MACROD2: variants seen among roughly 807,000 people sequenced by gnomAD.
MACROD2 encodes ADP-ribose glycohydrolase MACROD2.
In MACROD2, 36 loss-of-function variants were observed where a neutral mutation model predicts 70.4. That is an observed-to-expected ratio of 0.51 (90% CI 0.39 to 0.68). The LOEUF (loss-of-function observed/expected upper bound fraction) is 0.68, where lower values mean the gene tolerates loss of function less well. Ranked by LOEUF, MACROD2 falls within the 30% of genes least tolerant of loss-of-function variation. MACROD2 has a pLI of 0.00. For synonymous variants in MACROD2, 172 were observed against 178.8 expected, an observed-to-expected ratio of 0.96 and a Z score of 0.30; for missense variants, 496 against 538.4, an observed-to-expected ratio of 0.92 and a Z score of 0.78.
intron 2 of MACROD2, among the ~76,000 whole-genome samples, chr20:14,068,269 AC>A (rs1413332850): frequency 1.9e-5 from 2 of 105,632 alleles, no homozygotes; most frequent in South Asian, 2.9e-4. Flanking sequence ...CGCACCCCCC[AC>A]CCCCCCTGTG....
chr20:15,270,485 GT>G (rs1487884989), intron 6 of MACROD2, among the ~76,000 whole-genome samples: 1 of 152,134 alleles, frequency 6.6e-6, no homozygotes. Flanking sequence ...TGTAAAGGGA[GT>G]TTTTTGAGGT....
Position 16,044,367 on chromosome 20 carries a change from T to G in MACROD2, c.1232-204T>G, listed in dbSNP as rs1438969255. On this transcript the variant is annotated intron_variant, in intron 16 of 17. Coordinates refer to ENST00000684519, the MANE Select transcript of MACROD2 (RefSeq NM_001351661.2). The stretch of plus-strand genomic sequence containing the variant: ...TAGGGATTACATTTCAACATAAGAT[T>G]TGAAGGGGGCGTCTGAGGTATATCC... Among the ~76,000 whole-genome samples the G allele has an allele frequency of 2.0e-5, 3 of 151,914 alleles. No homozygotes were observed. The East Asian group carries it at 5.8e-4, about 29-fold the overall frequency.
chr20:15,333,579 G>T (rs2078016524), intron 6 of MACROD2, among the ~76,000 whole-genome samples: 1 of 151,606 alleles, frequency 6.6e-6, no homozygotes, highest in East Asian at 1.9e-4. Context: ...AAGTCATCTG[G>T]GGTTTGAATC....
intron 5 of MACROD2, among the ~76,000 whole-genome samples, chr20:14,807,825 G>A (rs187105725): frequency 6.6e-6 from 1 of 152,154 alleles, no homozygotes; most frequent in African/African-American, 2.4e-5. Context: ...AATCAATAAA[G>A]CAGAAGAAAG....
chr20:14,406,581 A>G (rs148911473), intron 3 of MACROD2, among the ~76,000 whole-genome samples: 2 of 152,242 alleles, frequency 1.3e-5, no homozygotes, highest in Non-Finnish European at 2.9e-5. Flanking sequence ...TTTCCCCCTT[A>G]GCATTGTGTG....
intron 5 of MACROD2, among the ~76,000 whole-genome samples, chr20:15,085,106 A>G (rs1449118826): frequency 6.6e-6 from 1 of 152,144 alleles, no homozygotes; most frequent in Non-Finnish European, 1.5e-5. Flanking sequence ...ATCCTCACAT[A>G]ATGGTCCATT....
chr20:15,704,494 G>A (rs1484933323), intron 8 of MACROD2, among the ~76,000 whole-genome samples: 1 of 152,146 alleles, frequency 6.6e-6, no homozygotes, highest in Non-Finnish European at 1.5e-5. Flanking sequence ...TATTAATATG[G>A]TGTATTTGAT....
At chr20:14,701,848 A>T (rs1600559744) in intron 5 of MACROD2, among the ~76,000 whole-genome samples, 1 of 152,258 alleles carries the variant, frequency 6.6e-6, no homozygotes, top group East Asian at 1.9e-4. Flanking sequence ...CTGCAATATT[A>T]TCAAATTTTA....
At chr20:15,045,922 G>C (rs182344448) in intron 5 of MACROD2, among the ~76,000 whole-genome samples, 1 of 151,672 alleles carries the variant, frequency 6.6e-6, no homozygotes, top group Non-Finnish European at 1.5e-5. Flanking sequence ...CTGCTGGCTC[G>C]CCTCTCCACG....
At chr20:15,206,161 C>T (rs959009684) in intron 5 of MACROD2, among the ~76,000 whole-genome samples, 1 of 151,886 alleles carries the variant, frequency 6.6e-6, no homozygotes, top group East Asian at 1.9e-4. Context: ...TTTCAAACTA[C>T]GTGGTTTAGG....
At chr20:14,152,314 ATCTAG>A (rs2055035578) in intron 3 of MACROD2, among the ~76,000 whole-genome samples, 1 of 152,176 alleles carries the variant, frequency 6.6e-6, no homozygotes, top group African/African-American at 2.4e-5. Context: ...TGTTAACACA[ATCTAG>A]TCTATCATAT....
intron 5 of MACROD2, among the ~76,000 whole-genome samples, chr20:15,157,940 G>A (rs554225131): frequency 2.0e-5 from 3 of 152,226 alleles, no homozygotes; most frequent in South Asian, 2.1e-4. Flanking sequence ...GAACCTCAGG[G>A]TGCTTTATCA....
In MACROD2 at chr20:14,465,620, T is replaced by C. The variant is rs1054529914; in HGVS notation, c.272-27859T>C. ...TTGATTGTTAGTTGATGCAGTTTCT[T>C]CCTAGTGTTGATGGTCTTTACAATT... On this transcript the variant is annotated intron_variant, in intron 3 of 17. Transcript: ENST00000684519. Among the ~76,000 whole-genome samples, 21 of 152,238 alleles carry C rather than the reference T, an allele frequency of 1.4e-4. No individual in the cohort carries two copies. The East Asian group carries it at 2.3e-3, about 17-fold the overall frequency.
chr20:14,648,814 C>A (rs1435341744), intron 4 of MACROD2, among the ~76,000 whole-genome samples: 1 of 152,094 alleles, frequency 6.6e-6, no homozygotes, highest in African/African-American at 2.4e-5. Flanking sequence ...TACTTTATAC[C>A]ATTATGTATT....
chr20:14,370,923 TA>T (rs1336402506), intron 3 of MACROD2, among the ~76,000 whole-genome samples: 2 of 152,212 alleles, frequency 1.3e-5, no homozygotes, highest in Admixed American at 6.5e-5. Context: ...AAAAATTAAA[TA>T]ATTATTATTC....
At chr20:14,892,314 A>G (rs1324068325) in intron 5 of MACROD2, among the ~76,000 whole-genome samples, 1 of 152,050 alleles carries the variant, frequency 6.6e-6, no homozygotes, top group South Asian at 2.1e-4. Context: ...TCTACTAAAA[A>G]TTCAAAAAAA....
intron 7 of MACROD2, among the ~76,000 whole-genome samples, chr20:15,447,944 T>G (rs949380271): frequency 2.6e-5 from 4 of 152,090 alleles, no homozygotes; most frequent in Non-Finnish European, 5.9e-5. Context: ...TTTATCCTTG[T>G]GAGAGGCCAT....
intron 4 of MACROD2, among the ~76,000 whole-genome samples, chr20:14,524,562 C>G (rs972024691): frequency 2.0e-5 from 3 of 152,028 alleles, no homozygotes; most frequent in African/African-American, 7.3e-5. Flanking sequence ...AAGGGTGGAA[C>G]AGAGGAGGAA....
chr20:14,232,561 C>G (rs114033661), intron 3 of MACROD2, among the ~76,000 whole-genome samples: 1 of 152,326 alleles, frequency 6.6e-6, no homozygotes, highest in East Asian at 1.9e-4. Context: ...ACCTCAGGAA[C>G]CTACCTCCGC....
Sources: gnomAD v4.1 joint callset for allele counts (sites outside exome capture counted in the v4.1 genomes callset) on GRCh38, gnomAD v4.1.1 for gene constraint, MANE v1.5 for transcripts, NCBI Gene and HGNC (gene_info 2026-07-23, HGNC 2026-07-21) for gene names.